Variants in CYLD observed in about 807,000 individuals in gnomAD.
CYLD encodes CYLD lysine 63 deubiquitinase, also known as ubiquitin carboxyl-terminal hydrolase CYLD.
Under a neutral mutation model 104.5 loss-of-function variants are expected in CYLD, and 26 were observed. The observed-to-expected ratio is 0.25, with a 90% CI of 0.18 to 0.35. CYLD has a LOEUF of 0.35. Among genes scored for constraint, CYLD ranks in the 10% least tolerant of loss-of-function variants. The probability of loss-of-function intolerance (pLI) is 1.00; values close to 1 mark genes in which losing one functional copy is unlikely to be tolerated. For missense variants in CYLD, 703 were observed against 1,136.1 expected (o/e 0.62, Z 5.48); for synonymous variants, 385 against 399.9 (o/e 0.96, Z 0.45).
At chr16:50,781,560 G>A (rs1291298958) in intron 10 of CYLD, 149 bp downstream of exon 10, 6 of 1,024,518 alleles carry the variant, frequency 5.9e-6, no homozygotes, top group East Asian at 2.6e-5. Context: ...GTTGCATGGT[G>A]TATAAGAAAG....
chr16:50,782,541 TGCGTGTGA>T, intron 11 of CYLD, 75 bp downstream of exon 11: 1 of 1,415,662 alleles, frequency 7.1e-7, no homozygotes. Flanking sequence ...TGTGTGTGTG[TGCGTGTGA>T]GTGTGTGTGA....
intron 5 of CYLD, among the ~76,000 whole-genome samples, chr16:50,765,957 A>G (rs1968466779): frequency 6.6e-6 from 1 of 152,248 alleles, no homozygotes; most frequent in African/African-American, 2.4e-5. Flanking sequence ...GAAAAGTGCA[A>G]GATGAAGCAG....
At chr16:50,787,126 T>G (rs1970922783) in intron 13 of CYLD, 180 bp downstream of exon 13, 1 of 624,908 alleles carries the variant, frequency 1.6e-6, no homozygotes, top group Non-Finnish European at 2.8e-6. Flanking sequence ...TAAAAGTGAT[T>G]GATGATGTGG....
intron 6 of CYLD, among the ~76,000 whole-genome samples, chr16:50,775,557 TTTCCTAACCATGATACATA>T (rs1364275386): frequency 5.3e-5 from 8 of 152,220 alleles, no homozygotes; most frequent in African/African-American, 1.7e-4. Flanking sequence ...CAGAACTTTC[TTTCCTAACCATGATACATA>T]TTCCTAACCA....
Position 50,801,690 on chromosome 16 carries a change from T to A in CYLD, c.*5182T>A, listed in dbSNP as rs1972472194. Reference sequence around the variant, plus strand: ...GTAGATTGGTAGAAAGGGGCTCATTTTCTACTGCATTTCCCATTTTTGGTA... The same window carrying A: ...GTAGATTGGTAGAAAGGGGCTCATTATCTACTGCATTTCCCATTTTTGGTA... On this transcript the variant is annotated 3_prime_UTR_variant, in exon 19 of 19. Transcript: ENST00000427738. 2 of 233,458 alleles carry A rather than the reference T, an allele frequency of 8.6e-6. No homozygotes were observed. Among genetic ancestry groups the A allele is most frequent in the Non-Finnish European group, 8.5e-6 (1 of 117,848 alleles). The allele number at this position is 233,458 out of a possible 1,614,324, so 14.5% of individuals were successfully genotyped here.
chr16:50,757,557 G>C (rs1967394896), intron 5 of CYLD, among the ~76,000 whole-genome samples: 1 of 148,442 alleles, frequency 6.7e-6, no homozygotes, highest in Non-Finnish European at 1.5e-5. Context: ...TTTTTTTTGA[G>C]ACGGGGTCTC....
In CYLD at chr16:50,754,402, G is replaced by A. The variant is rs140033230; in HGVS notation, c.891G>A (p.Leu297=). ...SFACVESTIL[L]HINDIIPALS... is the part of the protein sequence containing the mutation. ...CGTGTGTTGAAAGTACAATTCTATT[G>A]CACATCAATGATATCATCCCAGGTA... Residue 297 remains leucine (L), a synonymous_variant, in exon 5 of 19, where the codon TTG becomes TTA. Transcript: ENST00000427738. The A allele has an allele frequency of 1.2e-5, 19 of 1,609,110 alleles. No homozygotes were observed. In the African/African-American group the frequency reaches 2.4e-4, roughly 20 times the overall value.
At chr16:50,746,573 A>G (rs891385616) in intron 2 of CYLD, among the ~76,000 whole-genome samples, 4 of 152,244 alleles carry the variant, frequency 2.6e-5, no homozygotes, top group African/African-American at 7.2e-5. Flanking sequence ...GTTGTCTAAC[A>G]TGACCCATCC....
In CYLD at chr16:50,791,736, G is replaced by A. The variant is rs766948630; in HGVS notation, c.2241+46G>A. 7.5e-6 allele frequency: 12 copies of A among 1,598,814 alleles called. No individual in the cohort carries two copies. The South Asian group carries it at 1.3e-4, about 18-fold the overall frequency. On this transcript the variant is annotated intron_variant, in intron 15 of 18. Coordinates refer to ENST00000427738, the MANE Select transcript of CYLD (RefSeq NM_001378743.1). ...GTATTTTATGTGAAAGTCTGTGGGA[G>A]TCTTAAGACTATTGGTAGTTTCAGT...
chr16:50,778,883 A>G (rs1969943914), intron 8 of CYLD, among the ~76,000 whole-genome samples: 2 of 152,314 alleles, frequency 1.3e-5, no homozygotes, highest in Non-Finnish European at 2.9e-5. Flanking sequence ...AATTATCTCA[A>G]CAGCATTTAG....
intron 5 of CYLD, among the ~76,000 whole-genome samples, chr16:50,770,524 C>T (rs1270452222): frequency 1.3e-5 from 2 of 150,944 alleles, no homozygotes; most frequent in African/African-American, 4.9e-5. Context: ...GATCTCGGCT[C>T]ACTGTAACCT....
chr16:50,795,499 A>G, intron 18 of CYLD: 1 of 702,256 alleles, frequency 1.4e-6, no homozygotes, highest in East Asian at 2.7e-5. Context: ...CAAGGTTGTG[A>G]GGTGTGACTC....
intron 18 of CYLD, chr16:50,795,739 T>C (rs1971975899): frequency 1.6e-6 from 1 of 617,106 alleles, no homozygotes; most frequent in Non-Finnish European, 2.9e-6. Context: ...CAGTTAACAT[T>C]TGCACTAAAC....
At position 50,796,453 on chromosome 16, in the gene CYLD, T is replaced by C; in HGVS notation, c.2816T>C (p.Leu939Pro). ...ATCCAAGGCTGTGCACGAAGACTGC[T>C]TTGTGATGCATATATGTGCATGTAC... is the stretch of plus-strand genomic sequence containing the variant. The part of the protein sequence containing the change: ...RRIQGCARRL[L>P]CDAYMCMYQS... The change falls in exon 19 of 19, where the codon CTT (leucine) becomes CCT (proline). Residue 939 changes from leucine to proline, a missense_variant. Physicochemically the swap from Leu to Pro is moderately conservative, Grantham distance 98 (BLOSUM62 -3). This residue lies in a region of CYLD where 130 missense variants were observed against 220.2 expected (regional missense o/e 0.59). Coordinates refer to ENST00000427738, the MANE Select transcript of CYLD (RefSeq NM_001378743.1). 6.2e-7 allele frequency: 1 copy of C among 1,614,060 alleles called. No individual in the cohort carries two copies. Among genetic ancestry groups the C allele is most frequent in the Non-Finnish European group, 8.5e-7 (1 of 1,180,036 alleles).
chr16:50,751,216 G>C (rs2150901590), intron 3 of CYLD, among the ~76,000 whole-genome samples: 1 of 152,310 alleles, frequency 6.6e-6, no homozygotes, highest in South Asian at 2.1e-4. Context: ...GACTTGTAGT[G>C]TTTTTGTGGT....
In CYLD at chr16:50,794,418, C is replaced by G. The variant is rs1289366169; in HGVS notation, c.2676C>G (p.Ala892=). Residue 892 remains alanine (A), a synonymous_variant, in exon 18 of 19, where the codon GCC becomes GCG. Coordinates refer to ENST00000427738, the MANE Select transcript of CYLD (RefSeq NM_001378743.1). This position sits in a 1 kb window ranked among gnomAD's most constrained non-coding sequence, Gnocchi z 4.1. ...CCTGGCTCTTCTTTGACAGCATGGC[C>G]GATCGGGATGGTACTGAAAACGCCT... ...DSAWLFFDSM[A]DRDGGQNGFN... 1 of 1,614,046 alleles carries G rather than the reference C, an allele frequency of 6.2e-7. No individual in the cohort carries two copies. The highest frequency in any genetic ancestry group is 1.1e-5 in the South Asian group (1 of 91,064).
Position 50,749,792 on chromosome 16 carries a change from G to C in CYLD, c.94G>C (p.Asp32His), listed in dbSNP as rs1169865761. 1 of 1,613,954 alleles carries C rather than the reference G, an allele frequency of 6.2e-7. No individual in the cohort carries two copies. Residue 32 changes from aspartate to histidine, a missense_variant, in exon 3 of 19, where the codon GAC (aspartate) becomes CAC (histidine). Around this residue, in one of 5 missense-constraint regions of CYLD, gnomAD observed 142 missense variants for 165.1 expected, o/e 0.86. Transcript: ENST00000427738. The stretch of plus-strand genomic sequence containing the variant: ...GCTTCTTCAAGAATGCAGCGTTACA[G>C]ACAAACAAACACAAAAGCTCCTTAA... ...YLLLQECSVT[D>H]KQTQKLLKVP...
intron 5 of CYLD, among the ~76,000 whole-genome samples, chr16:50,770,505 T>G (rs376437707): frequency 2.0e-5 from 3 of 151,036 alleles, no homozygotes; most frequent in East Asian, 1.9e-4. Context: ...GGCTGGAGTA[T>G]AGTGGCGTGA....
intron 5 of CYLD, among the ~76,000 whole-genome samples, chr16:50,770,976 C>T (rs1040877800): frequency 6.6e-6 from 1 of 152,046 alleles, no homozygotes; most frequent in Non-Finnish European, 1.5e-5. Context: ...TTTATGAAGT[C>T]CAATTTATAG....
Sources: gnomAD v4.1 joint callset for allele counts (sites outside exome capture counted in the v4.1 genomes callset) on GRCh38, gnomAD v4.1.1 for gene constraint, gnomAD v4.1.1 regional missense constraint, Gnocchi (gnomAD v3.1) non-coding constraint, MANE v1.5 for transcripts, NCBI Gene and HGNC (gene_info 2026-07-23, HGNC 2026-07-21) for gene names.